CSMD1: variants seen among roughly 807,000 people sequenced by gnomAD.
CSMD1 encodes CUB and sushi domain-containing protein 1.
CSMD1 carries 213 observed loss-of-function variants against 417.5 expected under a neutral mutation model. The observed-to-expected ratio is 0.51, with a 90% confidence interval of 0.46 to 0.57. CSMD1 has a LOEUF of 0.57. CSMD1 is among the 20% of genes least tolerant of loss of function. The pLI, the probability that CSMD1 is intolerant of heterozygous loss-of-function variation, is 0.00. For synonymous variants in CSMD1, 2,862 were observed against 1,736.8 expected (o/e 1.65, Z -16.11); for missense variants, 6,923 against 4,529.7 (o/e 1.53, Z -15.17).
intron 7 of CSMD1, among the ~76,000 whole-genome samples, chr8:3,664,898 A>C (rs1466871946): frequency 6.6e-6 from 1 of 152,214 alleles, no homozygotes; most frequent in Non-Finnish European, 1.5e-5. Flanking sequence ...AAATTCCAAA[A>C]AATACATCAC....
intron 1 of CSMD1, among the ~76,000 whole-genome samples, chr8:4,954,526 A>G (rs545502294): frequency 9.2e-5 from 14 of 152,322 alleles, no homozygotes; most frequent in African/African-American, 2.9e-4. Flanking sequence ...CAATTCATCT[A>G]TAGATTTTAT....
chr8:3,246,987 C>G (rs746380850), intron 26 of CSMD1, among the ~76,000 whole-genome samples: 11 of 152,076 alleles, frequency 7.2e-5, no homozygotes, highest in South Asian at 2.1e-4. Context: ...TATGTTAAGG[C>G]AAGAGTTATT....
chr8:4,432,367 A>G (rs1302394997), intron 2 of CSMD1, among the ~76,000 whole-genome samples: 1 of 152,154 alleles, frequency 6.6e-6, no homozygotes, highest in Non-Finnish European at 1.5e-5. Flanking sequence ...CCTGGCTATG[A>G]ACTTAGTGAT....
intron 7 of CSMD1, among the ~76,000 whole-genome samples, chr8:3,630,627 T>G (rs1188549286): frequency 6.6e-6 from 1 of 151,854 alleles, no homozygotes; most frequent in African/African-American, 2.4e-5. Flanking sequence ...GCATGCTGAG[T>G]GAGGGTTGAA....
At chr8:4,061,176 C>G (rs1468475931) in intron 3 of CSMD1, among the ~76,000 whole-genome samples, 2 of 152,196 alleles carry the variant, frequency 1.3e-5, no homozygotes, top group African/African-American at 4.8e-5. Context: ...GAAAATCCCT[C>G]AGCTGCAGTT....
At chr8:4,659,527 G>A (rs1479617392) in intron 1 of CSMD1, among the ~76,000 whole-genome samples, 3 of 152,138 alleles carry the variant, frequency 2.0e-5, no homozygotes, top group African/African-American at 7.2e-5. Flanking sequence ...AGTGGAAGAA[G>A]CCAGGCACAA....
intron 3 of CSMD1, among the ~76,000 whole-genome samples, chr8:4,109,731 T>G (rs1389489640): frequency 6.6e-6 from 1 of 152,178 alleles, no homozygotes; most frequent in East Asian, 1.9e-4. Flanking sequence ...AAAACAACTA[T>G]GTCTTATTTT....
rs75710074 is a variant in CSMD1, at chr8:3,642,018, C to G, written c.1010-25221G>C. Reference sequence around the variant, plus strand: ...GCAGCCCCAGAAGCTAGGTTTCCCCCTCACCACATCTGCAAACCTTGATCA... The same window carrying G: ...GCAGCCCCAGAAGCTAGGTTTCCCCGTCACCACATCTGCAAACCTTGATCA... On this transcript the variant is annotated intron_variant, in intron 7 of 69. Transcript: ENST00000635120. Among the ~76,000 whole-genome samples the G allele has an allele frequency of 1.3e-5, 2 of 152,108 alleles. 1 individual carries two copies. The highest frequency in any genetic ancestry group is 2.9e-5 in the Non-Finnish European group (2 of 68,032).
intron 3 of CSMD1, among the ~76,000 whole-genome samples, chr8:4,324,140 C>T (rs73660745): frequency 0.025 from 3,851 of 152,238 alleles, 166 homozygotes; most frequent in African/African-American, 0.088. Context: ...TGCTGCTGTG[C>T]AATTATCAAT....
At chr8:3,693,111 G>C (rs1330116082) in intron 7 of CSMD1, among the ~76,000 whole-genome samples, 1 of 152,044 alleles carries the variant, frequency 6.6e-6, no homozygotes, top group Non-Finnish European at 1.5e-5. Context: ...AATACATAGA[G>C]ATAAATAGAT....
intron 3 of CSMD1, among the ~76,000 whole-genome samples, chr8:4,086,073 T>A (rs1023590333): frequency 6.6e-6 from 1 of 152,200 alleles, no homozygotes; most frequent in African/African-American, 2.4e-5. Flanking sequence ...ACAAACGTAT[T>A]TTTTCCATAT....
At chr8:3,870,768 T>C (rs1027009498) in intron 5 of CSMD1, among the ~76,000 whole-genome samples, 7 of 152,144 alleles carry the variant, frequency 4.6e-5, no homozygotes, top group Non-Finnish European at 8.8e-5. Flanking sequence ...TAAATGTATA[T>C]TAATTAGAGC....
rs952418115 is a variant in CSMD1 at position 3,472,415 on chromosome 8, G to C, written c.1449-3591C>G. On this transcript the variant is annotated intron_variant, in intron 11 of 69. Transcript: ENST00000635120. ...CATTTTTACCCAGCCTGGACAACAT[G>C]ATTGGTACTCTGCTATTCTGTCTTT... Among the ~76,000 whole-genome samples the C allele has an allele frequency of 1.3e-5, 2 of 152,114 alleles. 1 individual carries two copies. The highest frequency in any genetic ancestry group is 1.3e-4 in the Admixed American group (2 of 15,262).
intron 12 of CSMD1, among the ~76,000 whole-genome samples, chr8:3,410,671 G>C (rs547067217): frequency 5.3e-5 from 8 of 152,206 alleles, no homozygotes; most frequent in South Asian, 2.1e-4. Flanking sequence ...CCCAGTCTTG[G>C]GTATGTCTTT....
At chr8:4,835,506 T>C (rs1414559525) in intron 1 of CSMD1, among the ~76,000 whole-genome samples, 1 of 152,244 alleles carries the variant, frequency 6.6e-6, no homozygotes, top group African/African-American at 2.4e-5. Flanking sequence ...TGTGAAACAA[T>C]GAGGTACGCA....
intron 37 of CSMD1, among the ~76,000 whole-genome samples, chr8:3,170,983 C>T (rs116916868): frequency 0.011 from 1,616 of 152,076 alleles, 20 homozygotes; most frequent in Non-Finnish European, 0.014. Flanking sequence ...GATTTTTAGC[C>T]GGATATAATT....
chr8:4,339,935 G>C (rs1046918236), intron 3 of CSMD1, among the ~76,000 whole-genome samples: 3 of 152,042 alleles, frequency 2.0e-5, no homozygotes, highest in African/African-American at 7.2e-5. Flanking sequence ...TGAGGCAAGA[G>C]GATCACTTGA....
chr8:4,409,005 C>A (rs1053477035), intron 3 of CSMD1, among the ~76,000 whole-genome samples: 1 of 152,168 alleles, frequency 6.6e-6, no homozygotes, highest in African/African-American at 2.4e-5. Context: ...TTTAAGAACT[C>A]TGAAGACAAA....
intron 46 of CSMD1, among the ~76,000 whole-genome samples, chr8:3,098,169 G>A (rs985030632): frequency 3.9e-5 from 6 of 152,146 alleles, no homozygotes; most frequent in Admixed American, 3.3e-4. Context: ...AATAAAAAAT[G>A]TATATCAAAA....
Sources: allele counts gnomAD v4.1 joint callset (sites outside exome capture counted in the v4.1 genomes callset), GRCh38; gene constraint gnomAD v4.1.1; transcripts MANE v1.5; gene names NCBI Gene and HGNC (gene_info 2026-07-23, HGNC 2026-07-21).